The following GPC6 variants were observed in gnomAD, a reference collection of about 807,000 sequenced individuals.
GPC6 encodes the protein glypican 6.
Under a neutral mutation model 55.2 loss-of-function variants are expected in GPC6, and 14 were observed. That is an observed-to-expected ratio of 0.25 (90% confidence interval 0.17 to 0.40). The LOEUF (loss-of-function observed/expected upper bound fraction) is 0.40. Among genes scored for constraint, GPC6 ranks in the 10% least tolerant of loss-of-function variants. GPC6 has a pLI of 1.00. For synonymous variants in GPC6, 278 were observed against 259.6 expected (o/e 1.07, Z -0.68); for missense variants, 641 against 708.5 (o/e 0.90, Z 1.08).
intron 1 of GPC6, among the ~76,000 whole-genome samples, chr13:93,518,152 C>T (rs1594230767): frequency 6.6e-6 from 1 of 151,860 alleles, no homozygotes; most frequent in African/African-American, 2.4e-5. Context: ...CAGGAGCTCA[C>T]AGAATCCTGA....
At chr13:94,185,712 G>T (rs1889156836) in intron 4 of GPC6, among the ~76,000 whole-genome samples, 1 of 152,004 alleles carries the variant, frequency 6.6e-6, no homozygotes, top group African/African-American at 2.4e-5. Context: ...AACATAACTT[G>T]GTCATCTTGG....
At chr13:93,231,334 TATATATATATAC>T (rs1566533195) in intron 1 of GPC6, among the ~76,000 whole-genome samples, 14 of 55,384 alleles carry the variant, frequency 2.5e-4, no homozygotes, top group Non-Finnish European at 3.3e-4. Context: ...TATATACGTA[TATATATATATAC>T]ATATATATAT....
chr13:93,958,689 G>A (rs930520965), intron 3 of GPC6, among the ~76,000 whole-genome samples: 1 of 151,952 alleles, frequency 6.6e-6, no homozygotes, highest in African/African-American at 2.4e-5. Context: ...CTCTTTTTTG[G>A]TTCCAAATTA....
intron 4 of GPC6, among the ~76,000 whole-genome samples, chr13:94,215,968 C>T (rs942425004): frequency 1.3e-4 from 18 of 141,716 alleles, no homozygotes; most frequent in African/African-American, 3.1e-4. Context: ...TATGAGGCTG[C>T]GTATTTCAAA....
At chr13:93,933,837 C>A (rs1399116843) in intron 3 of GPC6, among the ~76,000 whole-genome samples, 5 of 152,134 alleles carry the variant, frequency 3.3e-5, no homozygotes, top group Admixed American at 2.6e-4. Flanking sequence ...AGAAAATCAA[C>A]ATTTTTGCAG....
intron 3 of GPC6, among the ~76,000 whole-genome samples, chr13:93,886,492 G>GA (rs962080985): frequency 8.1e-5 from 12 of 148,640 alleles, no homozygotes; most frequent in African/African-American, 1.2e-4. Context: ...GGTAAAAAAC[G>GA]AAAAAAAAAA....
intron 3 of GPC6, among the ~76,000 whole-genome samples, chr13:93,835,871 A>G (rs1190651248): frequency 4.6e-5 from 7 of 152,210 alleles, no homozygotes; most frequent in Non-Finnish European, 1.0e-4. Context: ...TTGATTTATT[A>G]CAGACAAATG....
chr13:94,228,084 TGGG>T (rs1454200483), intron 4 of GPC6, among the ~76,000 whole-genome samples: 3 of 152,216 alleles, frequency 2.0e-5, no homozygotes, highest in Non-Finnish European at 4.4e-5. Context: ...AATTGTTCCG[TGGG>T]ACAAGATTGC....
intron 4 of GPC6, among the ~76,000 whole-genome samples, chr13:94,157,902 C>T (rs571988789): frequency 9.9e-5 from 15 of 152,106 alleles, no homozygotes; most frequent in African/African-American, 3.6e-4. Context: ...GTGCACACAG[C>T]AGGAAAGGGG....
At position 94,043,501 on chromosome 13, in the gene GPC6, C is replaced by A. The variant is rs141431059; in HGVS notation, c.877+15607C>A. On this transcript the variant is annotated intron_variant, in intron 4 of 8. Transcript: ENST00000377047. ...CATAATCATACTACAATAATAAAACCAGGAAATTAACATTGCTATAATACT... is the reference window on the plus strand; with the variant it reads ...CATAATCATACTACAATAATAAAACAAGGAAATTAACATTGCTATAATACT... Among the ~76,000 whole-genome samples the A allele has an allele frequency of 1.0e-3, 157 of 151,668 alleles. 1 individual carries two copies. The highest frequency in any genetic ancestry group is 3.7e-3 in the African/African-American group (155 of 41,418).
intron 7 of GPC6, among the ~76,000 whole-genome samples, chr13:94,393,017 A>G (rs1314797301): frequency 6.6e-6 from 1 of 152,214 alleles, no homozygotes; most frequent in Non-Finnish European, 1.5e-5. Flanking sequence ...CCACATTTTT[A>G]CCAACACTTG....
At chr13:93,643,645 G>A (rs1880053915) in intron 2 of GPC6, among the ~76,000 whole-genome samples, 1 of 152,080 alleles carries the variant, frequency 6.6e-6, no homozygotes, top group Non-Finnish European at 1.5e-5. Context: ...TAAGGGGAAA[G>A]CATTTTTCAC....
At chr13:93,304,617 A>T (rs1878794262) in intron 1 of GPC6, among the ~76,000 whole-genome samples, 1 of 152,234 alleles carries the variant, frequency 6.6e-6, no homozygotes, top group African/African-American at 2.4e-5. Context: ...TTATTCTGAC[A>T]CATGTTAATG....
At chr13:94,036,162 G>A (rs139086438) in intron 4 of GPC6, among the ~76,000 whole-genome samples, 79 of 152,072 alleles carry the variant, frequency 5.2e-4, no homozygotes, top group African/African-American at 1.7e-3. Context: ...GCTTCATGGT[G>A]TATGAAAACT....
chr13:93,706,239 T>A (rs751551484), intron 2 of GPC6, among the ~76,000 whole-genome samples: 2 of 151,930 alleles, frequency 1.3e-5, no homozygotes, highest in Non-Finnish European at 2.9e-5. Flanking sequence ...AGACAACTAC[T>A]TTAAATATTT....
intron 1 of GPC6, among the ~76,000 whole-genome samples, chr13:93,447,056 A>G (rs1402977876): frequency 6.6e-6 from 1 of 151,952 alleles, no homozygotes; most frequent in African/African-American, 2.4e-5. Context: ...AGAATTAAGT[A>G]GGAGACTGAA....
At chr13:93,231,019 G>GT (rs1875985938) in intron 1 of GPC6, among the ~76,000 whole-genome samples, 1 of 151,826 alleles carries the variant, frequency 6.6e-6, no homozygotes, top group African/African-American at 2.4e-5. Flanking sequence ...AATTTACTAT[G>GT]TGCCCATCAC....
intron 1 of GPC6, among the ~76,000 whole-genome samples, chr13:93,425,976 A>C (rs12874982): frequency 0.21 from 31,379 of 152,134 alleles, 3,441 homozygotes; most frequent in Middle Eastern, 0.28. Flanking sequence ...AGCAAGATTT[A>C]ATTGAATGTC....
At chr13:93,963,629 C>T (rs913521188) in intron 3 of GPC6, among the ~76,000 whole-genome samples, 5 of 152,096 alleles carry the variant, frequency 3.3e-5, no homozygotes, top group Non-Finnish European at 5.9e-5. Flanking sequence ...TGCTAAATGG[C>T]GTATGTTTGT....
Sources: gnomAD v4.1 joint callset for allele counts (sites outside exome capture counted in the v4.1 genomes callset) on GRCh38, gnomAD v4.1.1 for gene constraint, MANE v1.5 for transcripts, NCBI Gene and HGNC (gene_info 2026-07-23, HGNC 2026-07-21) for gene names.